The following OGT variants were observed in gnomAD, a reference collection of about 807,000 sequenced individuals.
OGT encodes UDP-N-acetylglucosamine--peptide N-acetylglucosaminyltransferase 110 kDa subunit.
OGT carries 3 observed loss-of-function variants against 75.8 expected under a neutral mutation model. That is an observed-to-expected ratio of 0.04 (90% CI 0.02 to 0.10). OGT has a LOEUF of 0.10. Among genes scored for constraint, OGT ranks in the 10% least tolerant of loss-of-function variants. OGT has a pLI of 1.00. For synonymous variants in OGT, 257 were observed against 289.7 expected (o/e 0.89, Z 1.15); for missense variants, 260 against 824.4 (o/e 0.32, Z 8.38).
At chrX:71,562,289 C>T (rs2040389885) in intron 15 of OGT, among the ~76,000 whole-genome samples, 1 of 112,567 alleles carries the variant, frequency 8.9e-6, no homozygotes, top group Non-Finnish European at 1.9e-5. Flanking sequence ...CAAAGCAAAA[C>T]ACCCTATCTC....
chrX:71,556,358 TTATAAGTA>T (rs2040343410), intron 8 of OGT: 1 of 383,809 alleles, frequency 2.6e-6, no homozygotes. Context: ...GAGAAGTTAC[TTATAAGTA>T]TATAATCTTA....
At chrX:71,551,621 G>C (rs945555768) in intron 5 of OGT, among the ~76,000 whole-genome samples, 2 of 111,768 alleles carry the variant, frequency 1.8e-5, no homozygotes, top group African/African-American at 6.5e-5. Flanking sequence ...GACAGAGCAA[G>C]ACTCCATCTC....
intron 5 of OGT, among the ~76,000 whole-genome samples, chrX:71,554,295 A>G (rs759892458): frequency 8.9e-6 from 1 of 111,870 alleles, no homozygotes; most frequent in East Asian, 2.8e-4. Flanking sequence ...TCTCTTCAGG[A>G]CCCATTTTGC....
At chrX:71,556,846 C>A in intron 9 of OGT, 66 bp downstream of exon 9, 2 of 1,036,610 alleles carry the variant, frequency 1.9e-6, no homozygotes, top group Non-Finnish European at 1.3e-6. Context: ...ACATTCGGCA[C>A]ATTGCAGATG....
intron 4 of OGT, chrX:71,545,431 T>TAATTA (rs2040252687): frequency 8.9e-6 from 1 of 112,673 alleles, no homozygotes; most frequent in Non-Finnish European, 1.9e-5. Flanking sequence ...CAGGTTGGGT[T>TAATTA]AATTAAAGCT....
rs1466073199 is a variant in OGT at position 71,563,117 on chromosome X, T to C, written c.2149-13T>C. 1 of 1,202,045 alleles carries C rather than the reference T, an allele frequency of 8.3e-7. No individual in the cohort carries two copies. The highest frequency in any genetic ancestry group is 2.2e-5 in the Admixed American group (1 of 45,597). On this transcript the variant is annotated splice_polypyrimidine_tract_variant and intron_variant, in intron 16 of 21. Transcript: ENST00000373719. ...ATCCTAAAAGACATGTCTGAAACTA[T>C]TTTTTCCATTAGAAAAAAGCAGTCA...
At chrX:71,563,742 C>T (rs889693785) in intron 18 of OGT, among the ~76,000 whole-genome samples, 2 of 112,077 alleles carry the variant, frequency 1.8e-5, no homozygotes, top group Non-Finnish European at 3.8e-5. Context: ...CTGCCTGTGG[C>T]TTTACTCTCT....
intron 3 of OGT, among the ~76,000 whole-genome samples, chrX:71,538,698 C>T (rs747987077): frequency 1.8e-5 from 2 of 111,472 alleles, no homozygotes; most frequent in East Asian, 2.8e-4. Flanking sequence ...TTAGGATCTC[C>T]GAAAGATACA....
At chrX:71,561,180 G>A (rs1269628303) in intron 14 of OGT, among the ~76,000 whole-genome samples, 3 of 109,836 alleles carry the variant, frequency 2.7e-5, no homozygotes, top group Admixed American at 9.8e-5. Flanking sequence ...CACCTGCCTC[G>A]GCCTCCCAAA....
At chrX:71,559,169 C>A in intron 12 of OGT, 98 bp from the exon 13 acceptor site, 1 of 781,074 alleles carries the variant, frequency 1.3e-6, no homozygotes, top group South Asian at 2.6e-5. Flanking sequence ...AGACCTTTTT[C>A]AACAGGTGTG....
intron 19 of OGT, among the ~76,000 whole-genome samples, chrX:71,566,504 C>G (rs1307595766): frequency 9.0e-6 from 1 of 111,679 alleles, no homozygotes; most frequent in African/African-American, 3.3e-5. Context: ...GGGAAAGCCC[C>G]TTATAAAGCC....
At chrX:71,551,125 G>A (rs1033739659) in intron 5 of OGT, among the ~76,000 whole-genome samples, 3 of 112,100 alleles carry the variant, frequency 2.7e-5, no homozygotes, top group African/African-American at 6.5e-5. Flanking sequence ...AAATGTATAC[G>A]TGGATCAAAC....
chrX:71,560,870 A>G (rs1030302722), intron 14 of OGT, among the ~76,000 whole-genome samples: 5 of 110,849 alleles, frequency 4.5e-5, no homozygotes, highest in African/African-American at 9.8e-5. Context: ...AACTTTGTCA[A>G]TACTTTAACT....
chrX:71,536,115 G>T, intron 1 of OGT, 63 bp from the exon 2 acceptor site: 15 of 1,015,595 alleles, frequency 1.5e-5, no homozygotes, highest in South Asian at 2.6e-5. Flanking sequence ...CATTTTTTTG[G>T]TTTACATTTC....
chrX:71,559,435 G>C lies in OGT; in HGVS notation c.1761+10G>C. On this transcript the variant is annotated intron_variant, in intron 13 of 21. Coordinates refer to ENST00000373719, the MANE Select transcript of OGT (RefSeq NM_181672.3). ...TCCTGATAAATTTGAGGTAAGACTA[G>C]TGTTTCTCTAGAATCACTATTTGTT... The C allele has an allele frequency of 8.4e-7, 1 of 1,195,547 alleles. No homozygotes were observed. Among genetic ancestry groups the C allele is most frequent in the East Asian group, 3.0e-5 (1 of 33,649 alleles).
At position 71,544,699 on chromosome X, in the gene OGT, C is replaced by G. The variant is rs370803860; in HGVS notation, c.531+64C>G. ...TGAAAACTTGTACTTTTTGCCAAGT[C>G]TTCAACTCTTCATTGAGCTATCTTC... On this transcript the variant is annotated intron_variant, in intron 4 of 21. Coordinates refer to ENST00000373719, the MANE Select transcript of OGT (RefSeq NM_181672.3). 175 of 859,149 alleles carry G rather than the reference C, an allele frequency of 2.0e-4. 1 individual carries two copies. The highest frequency in any genetic ancestry group is 2.5e-4 in the Non-Finnish European group (150 of 592,541). 70.8% of individuals were successfully genotyped at this position (859,149 alleles called of 1,213,427 possible).
chrX:71,560,594 A>G (rs1024299172), intron 14 of OGT, among the ~76,000 whole-genome samples: 1 of 112,098 alleles, frequency 8.9e-6, no homozygotes, highest in Non-Finnish European at 1.9e-5. Context: ...ATAAATATAC[A>G]TGTGTATGTG....
At chrX:71,546,573 A>G (rs2040260162) in intron 4 of OGT, 21 of 752,308 alleles carry the variant, frequency 2.8e-5, no homozygotes, top group Non-Finnish European at 3.3e-5. Context: ...ACAGCTTAAA[A>G]TAATTTTATT....
intron 1 of OGT, 36 bp from the exon 2 acceptor site, chrX:71,536,142 C>T: frequency 1.8e-6 from 2 of 1,119,670 alleles, no homozygotes; most frequent in Non-Finnish European, 2.4e-6. Flanking sequence ...TTTGTTTTCC[C>T]CCCTCCTTCC....
Sources: gnomAD v4.1 joint callset for allele counts (sites outside exome capture counted in the v4.1 genomes callset) on GRCh38, gnomAD v4.1.1 for gene constraint, MANE v1.5 for transcripts, NCBI Gene and HGNC (gene_info 2026-07-23, HGNC 2026-07-21) for gene names.